SINHCAF: variants seen among roughly 807,000 people sequenced by gnomAD.
The protein encoded by SINHCAF is SIN3-HDAC complex associated factor.
Under a neutral mutation model 25.8 loss-of-function variants are expected in SINHCAF, and 3 were observed. The observed-to-expected ratio is 0.12, with a 90% CI of 0.05 to 0.30. The LOEUF is 0.30. SINHCAF is among the 10% of genes least tolerant of loss of function. The probability of loss-of-function intolerance (pLI) is 1.00; values close to 1 mark genes in which losing one functional copy is unlikely to be tolerated. For synonymous variants in SINHCAF, 70 were observed against 85.5 expected, an observed-to-expected ratio of 0.82 and a Z score of 1.00; for missense variants, 121 against 262.3, an observed-to-expected ratio of 0.46 and a Z score of 3.72.
intron 1 of SINHCAF, among the ~76,000 whole-genome samples, chr12:31,299,313 G>GAA (rs568890328): frequency 6.7e-6 from 1 of 149,124 alleles, no homozygotes; most frequent in African/African-American, 2.5e-5. Flanking sequence ...AACAATAAAA[G>GAA]AAAAAAATTT....
intron 1 of SINHCAF, among the ~76,000 whole-genome samples, chr12:31,302,781 C>T (rs1938860574): frequency 6.6e-6 from 1 of 151,850 alleles, no homozygotes; most frequent in Non-Finnish European, 1.5e-5. Context: ...ATTGTGTAGG[C>T]ATCTCAGGGT....
intron 5 of SINHCAF, among the ~76,000 whole-genome samples, chr12:31,284,888 C>T (rs1046690762): frequency 6.6e-6 from 1 of 152,144 alleles, no homozygotes; most frequent in Non-Finnish European, 1.5e-5. Flanking sequence ...GCAAGTTTAT[C>T]CACATCTTTC....
chr12:31,295,514 T>C (rs926442825), intron 2 of SINHCAF, among the ~76,000 whole-genome samples, 181 bp from the exon 3 acceptor site: 2 of 152,206 alleles, frequency 1.3e-5, no homozygotes, highest in African/African-American at 4.8e-5. Context: ...ATCTTCTAGA[T>C]TCAACAAACC....
At chr12:31,318,026 G>C (rs536292612) in intron 1 of SINHCAF, among the ~76,000 whole-genome samples, 2 of 152,320 alleles carry the variant, frequency 1.3e-5, no homozygotes, top group East Asian at 1.9e-4. Flanking sequence ...GGGGATACTT[G>C]AGTTCCTGTA....
intron 1 of SINHCAF, chr12:31,298,629 G>A (rs1938647617): frequency 2.1e-5 from 5 of 236,546 alleles, no homozygotes; most frequent in Middle Eastern, 1.5e-3. Context: ...TTGCATTAAC[G>A]TGATTCCCCT....
At chr12:31,289,369 C>T (rs753892085) in intron 4 of SINHCAF, among the ~76,000 whole-genome samples, 3 of 152,088 alleles carry the variant, frequency 2.0e-5, no homozygotes, top group Non-Finnish European at 4.4e-5. Flanking sequence ...ATAATTAAGC[C>T]TCTATAAACT....
intron 1 of SINHCAF, among the ~76,000 whole-genome samples, chr12:31,317,629 C>A (rs1939543570): frequency 6.7e-6 from 1 of 149,726 alleles, no homozygotes; most frequent in Non-Finnish European, 1.5e-5. Flanking sequence ...TTTTTTTAAC[C>A]AAGAGCATCA....
At chr12:31,309,012 T>C (rs1939147691) in intron 1 of SINHCAF, among the ~76,000 whole-genome samples, 1 of 150,238 alleles carries the variant, frequency 6.7e-6, no homozygotes, top group South Asian at 2.1e-4. Context: ...TCTGTAATCC[T>C]AGCTACCTGG....
intron 5 of SINHCAF, among the ~76,000 whole-genome samples, chr12:31,284,561 C>G (rs988203982): frequency 6.6e-6 from 1 of 151,842 alleles, no homozygotes; most frequent in African/African-American, 2.4e-5. Context: ...AAATCCTTTC[C>G]CACTCAAAAG....
In SINHCAF at chr12:31,307,503, T is replaced by A. The variant is rs182413751; in HGVS notation, c.-20-9279A>T. 2.6e-4 allele frequency among the ~76,000 whole-genome samples: 40 copies of A among 152,164 alleles called. No individual in the cohort carries two copies. The East Asian group carries it at 7.0e-3, about 27-fold the overall frequency. On this transcript the variant is annotated intron_variant, in intron 1 of 5. Transcript: ENST00000337682. ...CCAGGAGGTCAAGGCAGCAGTGAGCTGTGAACACACCACTGCAGTCCAGCC... is the reference window on the plus strand; with the variant it reads ...CCAGGAGGTCAAGGCAGCAGTGAGCAGTGAACACACCACTGCAGTCCAGCC...
intron 4 of SINHCAF, among the ~76,000 whole-genome samples, chr12:31,289,593 C>G (rs1938218824): frequency 6.6e-6 from 1 of 152,172 alleles, no homozygotes; most frequent in Non-Finnish European, 1.5e-5. Context: ...TGCTATAAGG[C>G]TGTTGTACTG....
In SINHCAF at chr12:31,282,709, C is replaced by CA. The variant is rs1565486182; in HGVS notation, c.*2dup. On this transcript the variant is annotated 3_prime_UTR_variant, in exon 6 of 6. Coordinates refer to ENST00000337682, the MANE Select transcript of SINHCAF (RefSeq NM_001135812.2). ...TTGTTCCCCTTCTACATAAAAACCT[C>CA]AGTCACCACTCCTGAGTGGAGATGG... 6.4e-7 allele frequency: 1 copy of CA among 1,553,192 alleles called. No homozygotes were observed. The highest frequency in any genetic ancestry group is 8.7e-7 in the Non-Finnish European group (1 of 1,155,276).
intron 4 of SINHCAF, among the ~76,000 whole-genome samples, chr12:31,288,626 T>G (rs1451489898): frequency 1.4e-5 from 1 of 73,156 alleles, no homozygotes; most frequent in Non-Finnish European, 2.4e-5. Flanking sequence ...TTCTAACACC[T>G]GGCGGTAAGT....
chr12:31,310,030 C>T (rs571552879), intron 1 of SINHCAF, among the ~76,000 whole-genome samples: 4 of 152,064 alleles, frequency 2.6e-5, no homozygotes, highest in Non-Finnish European at 5.9e-5. Context: ...ATTTCAGTTC[C>T]AGCAACATTT....
At chr12:31,294,242 C>A (rs751009706) in intron 3 of SINHCAF, among the ~76,000 whole-genome samples, 2 of 152,148 alleles carry the variant, frequency 1.3e-5, no homozygotes, top group Non-Finnish European at 2.9e-5. Flanking sequence ...AAAAACAACT[C>A]CATTTCTACA....
chr12:31,305,742 T>G, intron 1 of SINHCAF, among the ~76,000 whole-genome samples: 1 of 146,026 alleles, frequency 6.8e-6, no homozygotes, highest in African/African-American at 2.5e-5. Context: ...CTCTGTCACC[T>G]AGGCTGGAGT....
chr12:31,318,435 T>C (rs1341129719), intron 1 of SINHCAF, among the ~76,000 whole-genome samples: 1 of 152,196 alleles, frequency 6.6e-6, no homozygotes, highest in Non-Finnish European at 1.5e-5. Context: ...GCCCTGTCTC[T>C]GAGAAATTAT....
intron 1 of SINHCAF, among the ~76,000 whole-genome samples, chr12:31,309,663 G>GTTTTTTTT (rs1939183135): frequency 7.2e-6 from 1 of 138,732 alleles, no homozygotes; most frequent in African/African-American, 2.7e-5. Flanking sequence ...ATCAACTTGT[G>GTTTTTTTT]ATTTTTTTTT....
At chr12:31,307,962 A>T (rs563238736) in intron 1 of SINHCAF, among the ~76,000 whole-genome samples, 1 of 152,024 alleles carries the variant, frequency 6.6e-6, no homozygotes, top group Non-Finnish European at 1.5e-5. Flanking sequence ...TTAAAAAAAA[A>T]CAACAACAAC....
Sources: allele counts gnomAD v4.1 joint callset (sites outside exome capture counted in the v4.1 genomes callset), GRCh38; gene constraint gnomAD v4.1.1; transcripts MANE v1.5; gene names NCBI Gene and HGNC (gene_info 2026-07-23, HGNC 2026-07-21).